SIPA1L2: variants seen among roughly 807,000 people sequenced by gnomAD.
The protein encoded by SIPA1L2 is signal-induced proliferation-associated 1-like protein 2.
SIPA1L2 carries 56 observed loss-of-function variants against 163.9 expected under a neutral mutation model. That is an observed-to-expected ratio of 0.34 (90% CI 0.28 to 0.43). The LOEUF is 0.43. SIPA1L2 is among the 20% of genes least tolerant of loss of function. The pLI is 1.00. For missense variants in SIPA1L2, 1,974 were observed against 2,193.5 expected (o/e 0.90, Z 2.00); for synonymous variants, 877 against 865.7 (o/e 1.01, Z -0.23).
intron 9 of SIPA1L2, among the ~76,000 whole-genome samples, chr1:232,463,715 T>C (rs1664359814): frequency 6.6e-6 from 1 of 152,194 alleles, no homozygotes; most frequent in Non-Finnish European, 1.5e-5. Flanking sequence ...AAAAGCAGAA[T>C]GCATCCAGAG....
intron 2 of SIPA1L2, among the ~76,000 whole-genome samples, chr1:232,525,711 G>A (rs1039085271): frequency 1.3e-5 from 2 of 152,154 alleles, no homozygotes; most frequent in African/African-American, 4.8e-5. Flanking sequence ...CCCTCAGCAG[G>A]CCACTTACTT....
chr1:232,458,365 G>A (rs1050621283), intron 10 of SIPA1L2, among the ~76,000 whole-genome samples: 6 of 152,174 alleles, frequency 3.9e-5, no homozygotes, highest in Non-Finnish European at 7.4e-5. Flanking sequence ...ACAGCTGCTG[G>A]AACTTTTAAA....
At chr1:232,576,835 C>T (rs1332128911) in intron 1 of SIPA1L2, among the ~76,000 whole-genome samples, 1 of 152,126 alleles carries the variant, frequency 6.6e-6, no homozygotes, top group African/African-American at 2.4e-5. Context: ...ATGAAACCAG[C>T]CACATTTCCT....
chr1:232,459,371 G>A (rs533072621), intron 10 of SIPA1L2, among the ~76,000 whole-genome samples: 6 of 152,270 alleles, frequency 3.9e-5, no homozygotes, highest in South Asian at 2.1e-4. Context: ...TGGCTTAAAG[G>A]AGGAAGAAAG....
intron 22 of SIPA1L2, among the ~76,000 whole-genome samples, chr1:232,401,089 G>A (rs1660309955): frequency 6.6e-6 from 1 of 151,994 alleles, no homozygotes; most frequent in African/African-American, 2.4e-5. Flanking sequence ...TTCATGCCCT[G>A]TACACGCCCC....
Position 232,402,488 on chromosome 1 carries a change from T to G in SIPA1L2, c.4941-15A>C, listed in dbSNP as rs17177525. The G allele has an allele frequency of 0.18, 291,878 of 1,602,246 alleles. 28,667 individuals are homozygous for G. Among genetic ancestry groups the G allele is most frequent in the Non-Finnish European group, 0.21 (240,690 of 1,174,002 alleles). On this transcript the variant is annotated splice_polypyrimidine_tract_variant and intron_variant, in intron 21 of 22. Transcript: ENST00000674635. Reference sequence around the variant, plus strand: ...GAGAACGCTCCCTAGCAAATAAGGATAGAATTAGAAAGATTCAAGAGAGTC... The same window carrying G: ...GAGAACGCTCCCTAGCAAATAAGGAGAGAATTAGAAAGATTCAAGAGAGTC...
chr1:232,425,036 G>T (rs1386088626), intron 18 of SIPA1L2, among the ~76,000 whole-genome samples: 1 of 152,174 alleles, frequency 6.6e-6, no homozygotes, highest in Non-Finnish European at 1.5e-5. Context: ...CCTGTGACTA[G>T]TAAGTTGAAA....
chr1:232,402,977 G>C (rs958035871), intron 21 of SIPA1L2, among the ~76,000 whole-genome samples: 3 of 152,270 alleles, frequency 2.0e-5, no homozygotes, highest in Non-Finnish European at 2.9e-5. Flanking sequence ...AGGGGAAAGA[G>C]TGGGGTGTTC....
chr1:232,605,083 G>C (rs993636342), intron 1 of SIPA1L2, among the ~76,000 whole-genome samples: 31 of 152,124 alleles, frequency 2.0e-4, no homozygotes, highest in African/African-American at 7.2e-4. Context: ...CTCAATCATG[G>C]CTCACTGCAG....
intron 1 of SIPA1L2, among the ~76,000 whole-genome samples, chr1:232,626,186 T>C (rs1012836447): frequency 1.3e-5 from 2 of 151,542 alleles, no homozygotes; most frequent in Non-Finnish European, 2.9e-5. Flanking sequence ...CACACTTATG[T>C]AGCAACATTA....
chr1:232,464,827 A>C lies in SIPA1L2; in HGVS notation c.2820+13T>G. On this transcript the variant is annotated intron_variant, in intron 9 of 22. Transcript: ENST00000674635. ...ACATAAGGATGGCGGGAAAATAGAA[A>C]ACATGTACTTACTACTAATCGCTGA... 6.4e-7 allele frequency: 1 copy of C among 1,555,184 alleles called. No homozygotes were observed. Among genetic ancestry groups the C allele is most frequent in the South Asian group, 1.2e-5 (1 of 80,670 alleles).
chr1:232,564,485 G>A (rs1391387236), intron 2 of SIPA1L2, among the ~76,000 whole-genome samples: 1 of 151,862 alleles, frequency 6.6e-6, no homozygotes, highest in Non-Finnish European at 1.5e-5. Flanking sequence ...TGCCTGCAAG[G>A]GATGGGCCAC....
At chr1:232,621,347 C>T (rs1223489826) in intron 1 of SIPA1L2, among the ~76,000 whole-genome samples, 2 of 151,750 alleles carry the variant, frequency 1.3e-5, no homozygotes, top group African/African-American at 4.8e-5. Flanking sequence ...TATATGCACA[C>T]ACCTTCTTTA....
intron 2 of SIPA1L2, among the ~76,000 whole-genome samples, chr1:232,533,384 A>G (rs1255015917): frequency 6.6e-6 from 1 of 152,212 alleles, no homozygotes; most frequent in African/African-American, 2.4e-5. Flanking sequence ...TCACCCAGTG[A>G]TGATGTTTAA....
At chr1:232,604,545 A>C (rs1016264450) in intron 1 of SIPA1L2, among the ~76,000 whole-genome samples, 1 of 152,240 alleles carries the variant, frequency 6.6e-6, no homozygotes, top group African/African-American at 2.4e-5. Context: ...TGTGAGAATC[A>C]AGGCTCAACT....
At position 232,515,543 on chromosome 1, in the gene SIPA1L2, G is replaced by A; in HGVS notation, c.-204C>T. 1 of 548,306 alleles carries A rather than the reference G, an allele frequency of 1.8e-6. No individual in the cohort carries two copies. The highest frequency in any genetic ancestry group is 3.1e-6 in the Non-Finnish European group (1 of 317,896). 34.0% of individuals were successfully genotyped at this position (548,306 alleles called of 1,614,324 possible). ...GCTTCTCTGTTGTCGTAATAATGTTGTACGCCTCTGTTCTTTTCAAAAGCA... is the reference window on the plus strand; with the variant it reads ...GCTTCTCTGTTGTCGTAATAATGTTATACGCCTCTGTTCTTTTCAAAAGCA... On this transcript the variant is annotated 5_prime_UTR_variant, in exon 3 of 23. Coordinates refer to ENST00000674635, the MANE Select transcript of SIPA1L2 (RefSeq NM_020808.5).
At chr1:232,505,423 T>C (rs4649382) in intron 3 of SIPA1L2, among the ~76,000 whole-genome samples, 109,511 of 152,164 alleles carry the variant, frequency 0.72, 39,592 homozygotes, top group East Asian at 0.88. Flanking sequence ...AAACGCCATG[T>C]GAGTCAAACT....
In SIPA1L2 at chr1:232,442,338, AG is replaced by A. The variant is rs1332099770; in HGVS notation, c.3438-471del. ...GTCAAGGCGAGCAGATCACTAGGTC[AG>A]GAGTTGGAGACCAGCCTGGCCAACA... On this transcript the variant is annotated intron_variant, in intron 12 of 22. Transcript: ENST00000674635. 1.8e-4 allele frequency among the ~76,000 whole-genome samples: 27 copies of A among 152,120 alleles called. 1 individual carries two copies. The highest frequency in any genetic ancestry group is 6.3e-4 in the African/African-American group (26 of 41,516).
chr1:232,579,974 G>A (rs952307028), intron 1 of SIPA1L2, among the ~76,000 whole-genome samples: 6 of 152,142 alleles, frequency 3.9e-5, no homozygotes, highest in Admixed American at 3.3e-4. Context: ...AGGTGAATTC[G>A]TAAAGTGAAA....
Sources: allele counts gnomAD v4.1 joint callset (sites outside exome capture counted in the v4.1 genomes callset), GRCh38; gene constraint gnomAD v4.1.1; transcripts MANE v1.5; gene names NCBI Gene and HGNC (gene_info 2026-07-23, HGNC 2026-07-21).